Variants in GMCL1 observed in about 807,000 individuals in gnomAD.
GMCL1 encodes germ cell-less 1, spermatogenesis associated.
A neutral mutation model predicts 75.5 loss-of-function variants in GMCL1; 54 were observed. That is an observed-to-expected ratio of 0.71 (90% CI 0.57 to 0.90). GMCL1 has a LOEUF of 0.90. Ranked by LOEUF, GMCL1 falls within the 40% of genes least tolerant of loss-of-function variation. The probability of loss-of-function intolerance (pLI) is 0.00; values close to 1 mark genes in which losing one functional copy is unlikely to be tolerated. For missense variants in GMCL1, 537 were observed against 622.7 expected, an observed-to-expected ratio of 0.86 and a Z score of 1.47; for synonymous variants, 210 against 209.6, an observed-to-expected ratio of 1.00 and a Z score of -0.02.
rs938392462 is a variant in GMCL1, at chr2:69,858,375, A to G, written c.1073-2903A>G. ...TAAAGTTTAAAATAAGTGCGGAAAC[A>G]TATTACTATTTAGTCAAAATTTAGT... On this transcript the variant is annotated intron_variant, in intron 9 of 13. Transcript: ENST00000282570. Among the ~76,000 whole-genome samples, 9 of 152,334 alleles carry G rather than the reference A, an allele frequency of 5.9e-5. No homozygotes were observed. The South Asian group carries it at 1.2e-3, about 21-fold the overall frequency.
chr2:69,847,095 G>A (rs968721793), intron 6 of GMCL1, among the ~76,000 whole-genome samples: 1 of 150,892 alleles, frequency 6.6e-6, no homozygotes, highest in Non-Finnish European at 1.5e-5. Context: ...GCCTCCCAAA[G>A]TGCTGGGATT....
intron 1 of GMCL1, among the ~76,000 whole-genome samples, chr2:69,832,463 C>CATACATTTATACATTT (rs1368423283): frequency 1.3e-5 from 2 of 152,140 alleles, no homozygotes; most frequent in African/African-American, 4.8e-5. Flanking sequence ...CTACCACATA[C>CATACATTTATACATTT]ATACATACAT....
chr2:69,854,085 G>C (rs2103994596), intron 8 of GMCL1, among the ~76,000 whole-genome samples: 1 of 151,640 alleles, frequency 6.6e-6, no homozygotes, highest in South Asian at 2.1e-4. Flanking sequence ...TTACAGGCGT[G>C]AGCCACCACG....
intron 11 of GMCL1, among the ~76,000 whole-genome samples, chr2:69,866,263 A>C (rs959039573): frequency 2.2e-4 from 34 of 151,798 alleles, no homozygotes; most frequent in Non-Finnish European, 4.0e-4. Flanking sequence ...AAAAAAAAAA[A>C]ACTGATTGTA....
rs118120207 is a variant in GMCL1, at chr2:69,845,222, C to T, written c.758+1026C>T. 1.7e-3 allele frequency among the ~76,000 whole-genome samples: 253 copies of T among 152,344 alleles called. 4 individuals carry two copies. The East Asian group carries it at 0.03, about 18-fold the overall frequency. On this transcript the variant is annotated intron_variant, in intron 6 of 13. Transcript: ENST00000282570. ...CAACTGCGCCGCCTTCGTCCTCAAG[C>T]GGGACCTGGTCAGACGCAGCACAGC...
At position 69,854,808 on chromosome 2, in the gene GMCL1, C is replaced by A. The variant is rs1448924347; in HGVS notation, c.935-15C>A. The A allele has an allele frequency of 1.3e-6, 2 of 1,597,568 alleles. No individual in the cohort carries two copies. The highest frequency in any genetic ancestry group is 1.7e-6 in the Non-Finnish European group (2 of 1,174,300). ...TTGAAAAGAATGGCTGTTTAACTTACATGGTTTTTTATAGATTTTGAAGGT... is the reference window on the plus strand; with the variant it reads ...TTGAAAAGAATGGCTGTTTAACTTAAATGGTTTTTTATAGATTTTGAAGGT... On this transcript the variant is annotated splice_polypyrimidine_tract_variant and intron_variant, in intron 8 of 13. Transcript: ENST00000282570.
chr2:69,862,473 G>A (rs1675681009), intron 10 of GMCL1, among the ~76,000 whole-genome samples: 2 of 151,892 alleles, frequency 1.3e-5, no homozygotes, highest in African/African-American at 4.8e-5. Flanking sequence ...TAGTAAGATT[G>A]TTGAGGCTGG....
At chr2:69,861,820 C>T (rs1001368276) in intron 10 of GMCL1, among the ~76,000 whole-genome samples, 4 of 152,088 alleles carry the variant, frequency 2.6e-5, no homozygotes, top group South Asian at 2.1e-4. Flanking sequence ...CGGTGGCTCA[C>T]GCCTGTAATC....
chr2:69,855,910 TG>T (rs1395653113), intron 9 of GMCL1, among the ~76,000 whole-genome samples: 2 of 152,190 alleles, frequency 1.3e-5, no homozygotes, highest in African/African-American at 4.8e-5. Flanking sequence ...TTTTTGCAAA[TG>T]TATTTTGTAA....
At chr2:69,860,239 C>T (rs1002254848) in intron 9 of GMCL1, among the ~76,000 whole-genome samples, 19 of 152,200 alleles carry the variant, frequency 1.2e-4, no homozygotes, top group Admixed American at 4.6e-4. Context: ...GATCCTCCTA[C>T]CTCAGCCTCC....
intron 7 of GMCL1, among the ~76,000 whole-genome samples, chr2:69,849,369 C>T (rs1242792360): frequency 6.6e-6 from 1 of 152,018 alleles, no homozygotes; most frequent in African/African-American, 2.4e-5. Context: ...GGGGTTTGAC[C>T]ATGTTTCCCA....
chr2:69,854,819 A>C lies in GMCL1; in HGVS notation c.935-4A>C, dbSNP rs1274632047. The C allele has an allele frequency of 6.2e-7, 1 of 1,600,762 alleles. No individual in the cohort carries two copies. The highest frequency in any genetic ancestry group is 1.8e-5 in the Admixed American group (1 of 56,900). On this transcript the variant is annotated splice_polypyrimidine_tract_variant and splice_region_variant and intron_variant, in intron 8 of 13. Transcript: ENST00000282570. ...GGCTGTTTAACTTACATGGTTTTTT[A>C]TAGATTTTGAAGGTATGGCCTTTCT... is the stretch of plus-strand genomic sequence containing the variant.
In GMCL1 at chr2:69,864,915, TAAAG is replaced by T; in HGVS notation, c.1161_1164del (p.Glu388AsnfsTer2). On this transcript the variant is annotated frameshift_variant, in exon 11 of 14. Coordinates refer to ENST00000282570, the MANE Select transcript of GMCL1 (RefSeq NM_178439.5). LOFTEE classifies it high-confidence loss of function. ...ATATTTTTAGGCCTCAAGAAATCAA[TAAAG>T]AAGAACTAGAGGGAAACAGCATGAG... 1 of 1,611,910 alleles carries T rather than the reference TAAAG, an allele frequency of 6.2e-7. No homozygotes were observed. The highest frequency in any genetic ancestry group is 8.5e-7 in the Non-Finnish European group (1 of 1,178,286).
At chr2:69,835,067 C>G (rs919946212) in intron 1 of GMCL1, among the ~76,000 whole-genome samples, 1 of 152,010 alleles carries the variant, frequency 6.6e-6, no homozygotes, top group African/African-American at 2.4e-5. Flanking sequence ...AAAGCATGCC[C>G]CACCTATAAC....
intron 8 of GMCL1, 83 bp from the exon 9 acceptor site, chr2:69,854,740 T>A (rs1463491490): frequency 1.8e-6 from 2 of 1,083,576 alleles, no homozygotes; most frequent in Non-Finnish European, 2.7e-6. Context: ...TAGACATGAA[T>A]GTACGTATCC....
rs753367743 is a variant in GMCL1 at position 69,841,004 on chromosome 2, G to T, written c.544G>T (p.Val182Phe). Residue 182 changes from valine to phenylalanine, a missense_variant, in exon 4 of 14, where the codon GTT (valine) becomes TTT (phenylalanine). This residue lies in a region of GMCL1 where 345 missense variants were observed against 410.5 expected (regional missense o/e 0.84). Transcript: ENST00000282570. The stretch of plus-strand genomic sequence containing the variant: ...TGTCTTGATAAAGCCCAGTCGAGTT[G>T]TTGCCATTTTGGCAGCAGCTTGTTT... ...DDVLIKPSRVVAILAAACLLQ... is the reference protein window; with the variant it reads ...DDVLIKPSRVFAILAAACLLQ... 1.1e-5 allele frequency: 17 copies of T among 1,613,898 alleles called. No homozygotes were observed. Among genetic ancestry groups the T allele is most frequent in the African/African-American group, 4.0e-5 (3 of 74,938 alleles).
chr2:69,830,411 C>G (rs1321699602), intron 1 of GMCL1, among the ~76,000 whole-genome samples: 5 of 152,236 alleles, frequency 3.3e-5, no homozygotes, highest in Admixed American at 1.3e-4. Flanking sequence ...TGAGAAACGC[C>G]AAGCCCGAGC....
intron 13 of GMCL1, among the ~76,000 whole-genome samples, chr2:69,874,741 T>C (rs1172278689): frequency 2.6e-5 from 4 of 151,760 alleles, no homozygotes; most frequent in Non-Finnish European, 5.9e-5. Context: ...CTATAGTTTT[T>C]ACTTTTTTTT....
At chr2:69,878,769 C>A (rs748267275) in intron 13 of GMCL1, 140 bp from the exon 14 acceptor site, 132 of 700,014 alleles carry the variant, frequency 1.9e-4, no homozygotes, top group Non-Finnish European at 2.8e-4. Context: ...GGTCACACAG[C>A]TAATGGGTGG....
Sources: gnomAD v4.1 joint callset for allele counts (sites outside exome capture counted in the v4.1 genomes callset) on GRCh38, gnomAD v4.1.1 for gene constraint, gnomAD v4.1.1 regional missense constraint, MANE v1.5 for transcripts, NCBI Gene and HGNC (gene_info 2026-07-23, HGNC 2026-07-21) for gene names.